The following MCC variants were observed in gnomAD, a reference collection of about 807,000 sequenced individuals.
The protein encoded by MCC is colorectal mutant cancer protein.
Under a neutral mutation model 116.2 loss-of-function variants are expected in MCC, and 90 were observed. That is an observed-to-expected ratio of 0.77 (90% CI 0.65 to 0.92). The LOEUF is 0.92. Among genes scored for constraint, MCC ranks in the 40% least tolerant of loss-of-function variants. The pLI, the probability that MCC is intolerant of heterozygous loss-of-function variation, is 0.00. For synonymous variants in MCC, 578 were observed against 510.5 expected (o/e 1.13, Z -1.78); for missense variants, 1,516 against 1,312.2 (o/e 1.16, Z -2.40).
chr5:113,313,477 TC>T (rs1473179343), intron 3 of MCC, among the ~76,000 whole-genome samples: 4 of 152,240 alleles, frequency 2.6e-5, no homozygotes, highest in African/African-American at 9.6e-5. Context: ...GCCCGAGAGT[TC>T]CTGTCATATC....
chr5:113,105,246 T>A (rs1756662535), intron 6 of MCC, among the ~76,000 whole-genome samples: 1 of 152,214 alleles, frequency 6.6e-6, no homozygotes, highest in African/African-American at 2.4e-5. Flanking sequence ...TAACCCTGCA[T>A]GAAAATTGCT....
intron 1 of MCC, among the ~76,000 whole-genome samples, chr5:113,460,982 A>T (rs1222063133): frequency 6.6e-6 from 1 of 152,254 alleles, no homozygotes; most frequent in Non-Finnish European, 1.5e-5. Flanking sequence ...TAATTACTAT[A>T]AGCCAAGCAC....
chr5:113,308,658 T>A (rs569941947), intron 3 of MCC, among the ~76,000 whole-genome samples: 141 of 152,154 alleles, frequency 9.3e-4, no homozygotes, highest in African/African-American at 3.3e-3. Context: ...CCTTTGTCTC[T>A]ACAGAAAATC....
At chr5:113,325,269 T>C (rs530077768) in intron 3 of MCC, among the ~76,000 whole-genome samples, 1 of 152,192 alleles carries the variant, frequency 6.6e-6, no homozygotes, top group East Asian at 1.9e-4. Flanking sequence ...TCCTAACCCT[T>C]TGAAAGATAT....
chr5:113,262,149 C>A (rs922543636), intron 3 of MCC, among the ~76,000 whole-genome samples: 1 of 151,806 alleles, frequency 6.6e-6, no homozygotes, highest in East Asian at 1.9e-4. Flanking sequence ...TCCCAAGGTT[C>A]CCCGAAACAA....
chr5:113,344,168 GC>G (rs1435407804), intron 2 of MCC, among the ~76,000 whole-genome samples: 1 of 152,188 alleles, frequency 6.6e-6, no homozygotes, highest in East Asian at 1.9e-4. Context: ...ACTCAGTGCT[GC>G]CCTGTCACAG....
intron 14 of MCC, among the ~76,000 whole-genome samples, chr5:113,059,059 G>C (rs1561765172): frequency 6.6e-6 from 1 of 152,192 alleles, no homozygotes; most frequent in Middle Eastern, 3.4e-3. Flanking sequence ...GCCACCCTTA[G>C]GGCCCGGAGC....
chr5:113,433,991 G>A, intron 1 of MCC: 1 of 1,614,038 alleles, frequency 6.2e-7, no homozygotes, highest in Non-Finnish European at 8.5e-7. Flanking sequence ...CCTTGTTGAT[G>A]GCCACAGAGG....
At chr5:113,114,655 C>T (rs1320080061) in intron 6 of MCC, among the ~76,000 whole-genome samples, 1 of 152,132 alleles carries the variant, frequency 6.6e-6, no homozygotes, top group Non-Finnish European at 1.5e-5. Context: ...GGAGAAGCAG[C>T]TGGATGTCAG....
chr5:113,468,985 ACT>A (rs1158854237), intron 1 of MCC, among the ~76,000 whole-genome samples: 1 of 151,814 alleles, frequency 6.6e-6, no homozygotes, highest in African/African-American at 2.4e-5. Context: ...TGTTTATAGT[ACT>A]CTCTGATGGT....
intron 1 of MCC, among the ~76,000 whole-genome samples, chr5:113,445,157 A>G (rs7709550): frequency 0.12 from 17,527 of 152,140 alleles, 1,747 homozygotes; most frequent in African/African-American, 0.27. Flanking sequence ...ACCCTTATTT[A>G]TCTAAGTTCT....
chr5:113,053,676 G>T (rs769908569), intron 15 of MCC, 49 bp downstream of exon 15: 1 of 1,397,274 alleles, frequency 7.2e-7, no homozygotes. Context: ...AGGTTGTTTA[G>T]ATTTCCTCCT....
chr5:113,183,717 A>G (rs1761743544), intron 3 of MCC, among the ~76,000 whole-genome samples: 1 of 152,314 alleles, frequency 6.6e-6, no homozygotes, highest in East Asian at 1.9e-4. Flanking sequence ...CAAGAGCACC[A>G]GGGGCAAATG....
intron 3 of MCC, among the ~76,000 whole-genome samples, chr5:113,332,582 A>C (rs1297444413): frequency 6.7e-6 from 1 of 150,228 alleles, no homozygotes; most frequent in Admixed American, 6.6e-5. Flanking sequence ...AAAAAAAAAA[A>C]AGGAATAGAA....
At chr5:113,428,262 T>C (rs1292629405) in intron 1 of MCC, among the ~76,000 whole-genome samples, 2 of 152,114 alleles carry the variant, frequency 1.3e-5, no homozygotes, top group Admixed American at 1.3e-4. Flanking sequence ...GTCAATAGAT[T>C]TTAATGTATA....
intron 3 of MCC, among the ~76,000 whole-genome samples, chr5:113,231,157 G>A (rs1763928084): frequency 6.6e-6 from 1 of 152,136 alleles, no homozygotes; most frequent in African/African-American, 2.4e-5. Flanking sequence ...TGCAGAGTAA[G>A]CCTTTTTTGT....
intron 3 of MCC, among the ~76,000 whole-genome samples, chr5:113,259,898 C>T (rs1041548683): frequency 6.6e-6 from 1 of 152,038 alleles, no homozygotes; most frequent in African/African-American, 2.4e-5. Context: ...CCACAGAATG[C>T]AATATTTTTC....
intron 3 of MCC, among the ~76,000 whole-genome samples, chr5:113,217,521 TACTTGAG>T (rs1264948827): frequency 6.7e-6 from 1 of 148,916 alleles, no homozygotes; most frequent in Non-Finnish European, 1.5e-5. Context: ...AGAACAGAGA[TACTTGAG>T]TTTTGTATGC....
chr5:113,056,098 T>C (rs1197171986), intron 14 of MCC, among the ~76,000 whole-genome samples: 3 of 152,240 alleles, frequency 2.0e-5, no homozygotes, highest in African/African-American at 7.2e-5. Context: ...TAGGTATAGA[T>C]GTCTCCATAT....
Sources: gnomAD v4.1 joint callset for allele counts (sites outside exome capture counted in the v4.1 genomes callset) on GRCh38, gnomAD v4.1.1 for gene constraint, MANE v1.5 for transcripts, NCBI Gene and HGNC (gene_info 2026-07-23, HGNC 2026-07-21) for gene names.